Variants in COL19A1 observed in about 807,000 individuals in gnomAD.
COL19A1 encodes the protein collagen type XIX alpha 1 chain, also known as collagen alpha-1(XIX) chain.
Under a neutral mutation model 190.2 loss-of-function variants are expected in COL19A1, and 159 were observed. That is an observed-to-expected ratio of 0.84 (90% CI 0.73 to 0.95). COL19A1 has a LOEUF of 0.95. Among genes scored for constraint, COL19A1 ranks in the 40% least tolerant of loss-of-function variants. COL19A1 has a pLI of 0.00. For missense variants in COL19A1, 1,418 were observed against 1,431.9 expected, an observed-to-expected ratio of 0.99 and a Z score of 0.16; for synonymous variants, 509 against 458.9, an observed-to-expected ratio of 1.11 and a Z score of -1.39.
chr6:69,880,808 T>C (rs1561958326), intron 2 of COL19A1, among the ~76,000 whole-genome samples: 1 of 152,186 alleles, frequency 6.6e-6, no homozygotes, highest in Non-Finnish European at 1.5e-5. Context: ...TACAACTATG[T>C]AAAAAAGGAA....
chr6:70,087,678 A>G (rs751249712), intron 15 of COL19A1, among the ~76,000 whole-genome samples: 45 of 152,300 alleles, frequency 3.0e-4, no homozygotes, highest in Admixed American at 5.2e-4. Flanking sequence ...CTTAGGTCAA[A>G]TGCTATTCAA....
chr6:70,062,915 C>A (rs564722389), intron 14 of COL19A1, among the ~76,000 whole-genome samples: 15 of 152,096 alleles, frequency 9.9e-5, no homozygotes, highest in African/African-American at 2.7e-4. Flanking sequence ...GGGATCAATT[C>A]AACAAGAAGA....
intron 30 of COL19A1, among the ~76,000 whole-genome samples, chr6:70,150,322 T>A (rs1786973149): frequency 6.6e-6 from 1 of 152,134 alleles, no homozygotes; most frequent in Non-Finnish European, 1.5e-5. Context: ...CATTGAAAAT[T>A]GAGATAAAAT....
intron 34 of COL19A1, 65 bp from the exon 35 acceptor site, chr6:70,161,835 G>T: frequency 7.6e-7 from 1 of 1,317,644 alleles, no homozygotes; most frequent in South Asian, 1.4e-5. Context: ...CAAAATATTT[G>T]ATTAACTAAA....
At chr6:69,882,767 C>A (rs981742280) in intron 2 of COL19A1, among the ~76,000 whole-genome samples, 1 of 152,010 alleles carries the variant, frequency 6.6e-6, no homozygotes, top group African/African-American at 2.4e-5. Flanking sequence ...AGGTAGTTTT[C>A]TATTAATTAC....
chr6:70,002,166 T>C (rs138124054), intron 11 of COL19A1, among the ~76,000 whole-genome samples: 2,073 of 152,290 alleles, frequency 0.014, 27 homozygotes, highest in Admixed American at 0.021. Context: ...ATGGATTTCA[T>C]TTATTGATTT....
chr6:70,072,759 G>T (rs1396256475), intron 15 of COL19A1, among the ~76,000 whole-genome samples: 1 of 151,902 alleles, frequency 6.6e-6, no homozygotes, highest in African/African-American at 2.4e-5. Flanking sequence ...ACCTACCCCT[G>T]CCCCCGTCAA....
chr6:70,005,137 A>T (rs1316796897), intron 11 of COL19A1, among the ~76,000 whole-genome samples: 1 of 152,046 alleles, frequency 6.6e-6, no homozygotes, highest in Non-Finnish European at 1.5e-5. Flanking sequence ...CATCTTCTGA[A>T]GCCTACTTCT....
At chr6:70,043,239 T>G (rs1466720079) in intron 14 of COL19A1, among the ~76,000 whole-genome samples, 1 of 151,268 alleles carries the variant, frequency 6.6e-6, no homozygotes, top group African/African-American at 2.4e-5. Flanking sequence ...TCGCCCAGAC[T>G]GGAGTGAAGT....
chr6:69,995,132 T>C (rs2150077635), intron 11 of COL19A1, among the ~76,000 whole-genome samples: 1 of 152,298 alleles, frequency 6.6e-6, no homozygotes. Flanking sequence ...ACCCACAAGT[T>C]AAACAAGGTG....
At chr6:70,023,735 C>T in intron 12 of COL19A1, 55 bp downstream of exon 12, 1 of 1,471,612 alleles carries the variant, frequency 6.8e-7, no homozygotes, top group East Asian at 2.3e-5. Flanking sequence ...CTAAGATATG[C>T]TATTTAATGC....
At chr6:70,034,864 G>A (rs1779265990) in intron 13 of COL19A1, among the ~76,000 whole-genome samples, 1 of 152,138 alleles carries the variant, frequency 6.6e-6, no homozygotes, top group African/African-American at 2.4e-5. Flanking sequence ...AATGCATTTT[G>A]TTCTCCATTT....
At chr6:70,123,972 TA>T (rs200471705) in intron 17 of COL19A1, among the ~76,000 whole-genome samples, 56 of 143,866 alleles carry the variant, frequency 3.9e-4, no homozygotes, top group South Asian at 6.7e-4. Context: ...ATAATAAATT[TA>T]AAAAAAAAAC....
At chr6:69,915,657 C>T (rs1771244850) in intron 4 of COL19A1, among the ~76,000 whole-genome samples, 1 of 152,102 alleles carries the variant, frequency 6.6e-6, no homozygotes, top group Non-Finnish European at 1.5e-5. Flanking sequence ...AGGATTGGTG[C>T]AAAAGTTTCT....
intron 47 of COL19A1, 48 bp downstream of exon 47, chr6:70,188,293 G>A (rs752630466): frequency 7.2e-6 from 11 of 1,527,750 alleles, no homozygotes; most frequent in East Asian, 2.3e-5. Context: ...TACCGACCAT[G>A]TATCCCTTTT....
intron 40 of COL19A1, 79 bp from the exon 41 acceptor site, chr6:70,171,885 A>T (rs1765522106): frequency 1.7e-5 from 24 of 1,430,750 alleles, no homozygotes; most frequent in Non-Finnish European, 2.4e-5. Context: ...GGTTAAGCAA[A>T]AAAATCTTTG....
At chr6:70,075,650 G>A (rs1406137953) in intron 15 of COL19A1, among the ~76,000 whole-genome samples, 3 of 152,124 alleles carry the variant, frequency 2.0e-5, no homozygotes, top group Admixed American at 6.6e-5. Flanking sequence ...CCTTAGATAA[G>A]GTTAAACAGC....
intron 4 of COL19A1, among the ~76,000 whole-genome samples, chr6:69,920,559 G>C (rs1157155259): frequency 6.6e-6 from 1 of 152,130 alleles, no homozygotes; most frequent in Non-Finnish European, 1.5e-5. Flanking sequence ...ATTTTCCCTT[G>C]ACATGCCTGG....
chr6:70,104,073 A>G (rs528329964), intron 16 of COL19A1, among the ~76,000 whole-genome samples: 1 of 152,298 alleles, frequency 6.6e-6, no homozygotes, highest in East Asian at 1.9e-4. Context: ...CTGTCCTGTC[A>G]TTGATTTCAT....
Sources: allele counts gnomAD v4.1 joint callset (sites outside exome capture counted in the v4.1 genomes callset), GRCh38; gene constraint gnomAD v4.1.1; transcripts MANE v1.5; gene names NCBI Gene and HGNC (gene_info 2026-07-23, HGNC 2026-07-21).